SNX7: variants seen among roughly 807,000 people sequenced by gnomAD.
SNX7 encodes sorting nexin 7.
In SNX7, 35 loss-of-function variants were observed where a neutral mutation model predicts 48.4. The ratio of observed to expected loss-of-function variants is 0.72; its 90% CI spans 0.55 to 0.96. SNX7 has a LOEUF of 0.96. Ranked by LOEUF, SNX7 falls within the 40% of genes least tolerant of loss-of-function variation. The pLI, the probability that SNX7 is intolerant of heterozygous loss-of-function variation, is 0.00. For synonymous variants in SNX7, 190 were observed against 190.2 expected (o/e 1.00, Z 0.01); for missense variants, 553 against 548.9 (o/e 1.01, Z -0.07).
intron 1 of SNX7, among the ~76,000 whole-genome samples, chr1:98,678,861 G>A (rs186486456): frequency 8.5e-5 from 13 of 152,098 alleles, no homozygotes; most frequent in African/African-American, 2.9e-4. Flanking sequence ...CCTATTGATG[G>A]TATCAACATT....
At chr1:98,755,837 A>G (rs1654814472) in intron 8 of SNX7, among the ~76,000 whole-genome samples, 1 of 151,988 alleles carries the variant, frequency 6.6e-6, no homozygotes, top group East Asian at 1.9e-4. Context: ...AAGAAATTTA[A>G]ACAAAGTATA....
chr1:98,706,044 A>G (rs551054116), intron 7 of SNX7, among the ~76,000 whole-genome samples: 5 of 152,304 alleles, frequency 3.3e-5, no homozygotes, highest in African/African-American at 1.2e-4. Flanking sequence ...GCAGCTTTAC[A>G]TAATGATAAG....
intron 7 of SNX7, among the ~76,000 whole-genome samples, chr1:98,713,880 C>G (rs931990422): frequency 6.6e-6 from 1 of 152,098 alleles, no homozygotes; most frequent in African/African-American, 2.4e-5. Flanking sequence ...CACAGATCGC[C>G]ATCACAGATA....
At chr1:98,693,097 A>G (rs1435425667) in intron 4 of SNX7, among the ~76,000 whole-genome samples, 1 of 152,076 alleles carries the variant, frequency 6.6e-6, no homozygotes, top group African/African-American at 2.4e-5. Flanking sequence ...GGTCTACTTT[A>G]TTTTGAGTAA....
At chr1:98,698,659 A>C (rs747474834) in intron 5 of SNX7, 47 bp from the exon 6 acceptor site, 1 of 1,540,310 alleles carries the variant, frequency 6.5e-7, no homozygotes, top group South Asian at 1.2e-5. Flanking sequence ...GGTATTTTGA[A>C]AACTTTTGTT....
intron 3 of SNX7, 25 bp from the exon 4 acceptor site, chr1:98,691,510 A>G: frequency 6.5e-7 from 1 of 1,547,806 alleles, no homozygotes; most frequent in East Asian, 2.3e-5. Context: ...ATACTTGAAT[A>G]CCTTTTTAAT....
intron 7 of SNX7, among the ~76,000 whole-genome samples, chr1:98,717,959 C>T (rs1242920653): frequency 2.6e-5 from 4 of 151,904 alleles, no homozygotes; most frequent in African/African-American, 4.8e-5. Context: ...CAAAATAAAC[C>T]TTAATGCATT....
chr1:98,694,136 C>T (rs905341500), intron 4 of SNX7, among the ~76,000 whole-genome samples: 4 of 151,202 alleles, frequency 2.6e-5, no homozygotes, highest in East Asian at 3.9e-4. Context: ...TTTGGGAGGC[C>T]GAGGCGGGCG....
rs541286137 is a variant in SNX7, at chr1:98,711,260, C to T, written c.1125+9357C>T. Among the ~76,000 whole-genome samples the T allele has an allele frequency of 7.2e-5, 11 of 152,166 alleles. No homozygotes were observed. The South Asian group carries it at 1.0e-3, about 14-fold the overall frequency. Reference sequence around the variant, plus strand: ...CTCGAACTCCTGACCTCAAGTGATCCGCCTGCCTTGACCTCCCAAAGTGCT... The same window carrying T: ...CTCGAACTCCTGACCTCAAGTGATCTGCCTGCCTTGACCTCCCAAAGTGCT... On this transcript the variant is annotated intron_variant, in intron 7 of 8. Coordinates refer to ENST00000306121, the MANE Select transcript of SNX7 (RefSeq NM_015976.5).
At chr1:98,705,153 G>A (rs1393942766) in intron 7 of SNX7, among the ~76,000 whole-genome samples, 1 of 152,096 alleles carries the variant, frequency 6.6e-6, no homozygotes, top group Non-Finnish European at 1.5e-5. Flanking sequence ...TGCATTACAT[G>A]GTTAGTTGCA....
intron 2 of SNX7, among the ~76,000 whole-genome samples, chr1:98,687,565 A>G (rs965629626): frequency 2.0e-5 from 3 of 152,162 alleles, no homozygotes; most frequent in Admixed American, 6.5e-5. Flanking sequence ...GTGCTTATAT[A>G]TTAAGAATAT....
At chr1:98,673,190 A>C (rs1649974151) in intron 1 of SNX7, among the ~76,000 whole-genome samples, 1 of 152,216 alleles carries the variant, frequency 6.6e-6, no homozygotes, top group African/African-American at 2.4e-5. Context: ...ATTCTGATAC[A>C]GCAAATGTGA....
chr1:98,741,196 T>C (rs1654050783), intron 8 of SNX7, among the ~76,000 whole-genome samples: 1 of 152,204 alleles, frequency 6.6e-6, no homozygotes, highest in Admixed American at 6.6e-5. Context: ...GTTCCTAGTG[T>C]GATGGATGAA....
intron 4 of SNX7, among the ~76,000 whole-genome samples, chr1:98,693,664 G>T (rs995917366): frequency 2.6e-5 from 4 of 152,166 alleles, no homozygotes; most frequent in Non-Finnish European, 4.4e-5. Context: ...GTCAAGGATG[G>T]CATCTGTTAT....
chr1:98,734,277 T>C (rs1410465015), intron 7 of SNX7, among the ~76,000 whole-genome samples: 1 of 152,166 alleles, frequency 6.6e-6, no homozygotes, highest in African/African-American at 2.4e-5. Context: ...TGTATCCCAT[T>C]CTACTTTTTA....
intron 7 of SNX7, among the ~76,000 whole-genome samples, chr1:98,720,335 T>C (rs1652798457): frequency 6.6e-6 from 1 of 152,136 alleles, no homozygotes; most frequent in Non-Finnish European, 1.5e-5. Flanking sequence ...AGTAGACTAC[T>C]ATGTATATCT....
intron 7 of SNX7, among the ~76,000 whole-genome samples, chr1:98,723,679 C>A (rs1436004899): frequency 6.6e-6 from 1 of 151,974 alleles, no homozygotes; most frequent in Non-Finnish European, 1.5e-5. Flanking sequence ...CATGGCAAAA[C>A]CCCATCCCTA....
chr1:98,757,867 A>G (rs1347234643), intron 8 of SNX7, among the ~76,000 whole-genome samples: 3 of 152,044 alleles, frequency 2.0e-5, no homozygotes, highest in Admixed American at 1.3e-4. Context: ...ACCTTTCACA[A>G]ACATGCAGAG....
At chr1:98,739,690 T>C (rs201604767) in intron 8 of SNX7, among the ~76,000 whole-genome samples, 1 of 82,824 alleles carries the variant, frequency 1.2e-5, no homozygotes, top group Non-Finnish European at 2.9e-5. Context: ...AGTTGCCAGA[T>C]AAGAGTGTGA....
Sources: allele counts gnomAD v4.1 joint callset (sites outside exome capture counted in the v4.1 genomes callset), GRCh38; gene constraint gnomAD v4.1.1; transcripts MANE v1.5; gene names NCBI Gene and HGNC (gene_info 2026-07-23, HGNC 2026-07-21).